Variants in ACTR3 observed in about 807,000 individuals in gnomAD.
ACTR3 encodes actin related protein 3.
Under a neutral mutation model 56.8 loss-of-function variants are expected in ACTR3, and 12 were observed. That is an observed-to-expected ratio of 0.21 (90% CI 0.14 to 0.34). The LOEUF (loss-of-function observed/expected upper bound fraction) is 0.34, where lower values mean the gene tolerates loss of function less well. Ranked by LOEUF, ACTR3 falls within the 10% of genes least tolerant of loss-of-function variation. ACTR3 has a pLI of 1.00. For synonymous variants in ACTR3, 162 were observed against 167.4 expected (o/e 0.97, Z 0.25); for missense variants, 282 against 512.5 (o/e 0.55, Z 4.34).
intron 10 of ACTR3, chr2:113,953,113 T>C (rs1171883406): frequency 6.6e-6 from 1 of 152,232 alleles, no homozygotes; most frequent in Non-Finnish European, 1.5e-5. Context: ...TAGTTTTTAA[T>C]AACTCATTAC....
At chr2:113,924,769 C>T (rs1679585478) in intron 3 of ACTR3, among the ~76,000 whole-genome samples, 1 of 152,034 alleles carries the variant, frequency 6.6e-6, no homozygotes, top group Non-Finnish European at 1.5e-5. Context: ...CCATACCTCT[C>T]ATTCCCCTGC....
chr2:113,890,703 C>T, intron 1 of ACTR3: 1 of 1,113,876 alleles, frequency 9.0e-7, no homozygotes, highest in Non-Finnish European at 1.1e-6. Flanking sequence ...CCCGTTTTTG[C>T]CAGTCGGTTT....
intron 7 of ACTR3, among the ~76,000 whole-genome samples, chr2:113,941,570 T>C (rs1235344823): frequency 6.6e-6 from 1 of 152,130 alleles, no homozygotes; most frequent in Non-Finnish European, 1.5e-5. Flanking sequence ...ATAAAACAAA[T>C]ATTGGTTGGC....
At chr2:113,928,666 A>G (rs1679662233) in intron 4 of ACTR3, among the ~76,000 whole-genome samples, 1 of 151,234 alleles carries the variant, frequency 6.6e-6, no homozygotes, top group Non-Finnish European at 1.5e-5. Context: ...AGCCATAGAC[A>G]ATACTTAAAT....
At chr2:113,942,486 T>C in intron 8 of ACTR3, 127 bp downstream of exon 8, 3 of 633,532 alleles carry the variant, frequency 4.7e-6, no homozygotes, top group Non-Finnish European at 7.0e-6. Flanking sequence ...ATGAAAAGTT[T>C]ATAAAACATT....
intron 3 of ACTR3, 99 bp downstream of exon 3, chr2:113,917,107 C>T (rs1679420431): frequency 3.1e-6 from 3 of 961,532 alleles, no homozygotes; most frequent in African/African-American, 1.7e-5. Context: ...TTATTAATAT[C>T]CTCAAACCTC....
intron 1 of ACTR3, among the ~76,000 whole-genome samples, chr2:113,912,306 AC>A (rs907467319): frequency 6.6e-6 from 1 of 152,128 alleles, no homozygotes; most frequent in African/African-American, 2.4e-5. Flanking sequence ...ATAAAATGTT[AC>A]ATTCTCTTTA....
intron 10 of ACTR3, chr2:113,954,042 C>T (rs1026832911): frequency 6.6e-6 from 1 of 152,124 alleles, no homozygotes; most frequent in African/African-American, 2.4e-5. Context: ...GCATATCCTT[C>T]AGCTTGGGTT....
At chr2:113,891,616 T>G (rs1678899468) in intron 1 of ACTR3, among the ~76,000 whole-genome samples, 1 of 145,030 alleles carries the variant, frequency 6.9e-6, no homozygotes, top group Admixed American at 6.8e-5. Context: ...ACTGTCAGGC[T>G]TTTTTTTTTA....
chr2:113,909,529 C>T (rs1334791916), intron 1 of ACTR3, among the ~76,000 whole-genome samples: 1 of 151,456 alleles, frequency 6.6e-6, no homozygotes, highest in East Asian at 1.9e-4. Flanking sequence ...GAAGATTAGT[C>T]AAAAGAAAGG....
At chr2:113,919,911 G>A (rs1337791265) in intron 3 of ACTR3, among the ~76,000 whole-genome samples, 2 of 151,854 alleles carry the variant, frequency 1.3e-5, no homozygotes, top group African/African-American at 2.4e-5. Context: ...ACCATGCTTC[G>A]CTAATTTATT....
intron 8 of ACTR3, among the ~76,000 whole-genome samples, chr2:113,949,783 A>G (rs2104627292): frequency 6.6e-6 from 1 of 152,276 alleles, no homozygotes; most frequent in African/African-American, 2.4e-5. Flanking sequence ...GGCTGGTGTC[A>G]AACTCTGGGT....
At chr2:113,937,181 T>G (rs1212470853) in intron 6 of ACTR3, among the ~76,000 whole-genome samples, 1 of 152,146 alleles carries the variant, frequency 6.6e-6, no homozygotes, top group Non-Finnish European at 1.5e-5. Context: ...TCAGCTCGCT[T>G]CAACCTCTGC....
At chr2:113,931,252 A>C in intron 4 of ACTR3, 49 bp from the exon 5 acceptor site, 1 of 1,158,682 alleles carries the variant, frequency 8.6e-7, no homozygotes. Flanking sequence ...CAAGAAAGTT[A>C]TCAAAATAAT....
chr2:113,926,309 A>G (rs1242114178), intron 3 of ACTR3, among the ~76,000 whole-genome samples: 1 of 152,224 alleles, frequency 6.6e-6, no homozygotes, highest in Non-Finnish European at 1.5e-5. Flanking sequence ...AATTACTGTG[A>G]CTTGTAGATC....
intron 3 of ACTR3, among the ~76,000 whole-genome samples, chr2:113,923,095 T>C (rs1679540095): frequency 6.6e-6 from 1 of 152,228 alleles, no homozygotes; most frequent in African/African-American, 2.4e-5. Context: ...TTCTAAGTGC[T>C]ACTAACAAAC....
At chr2:113,920,518 C>T (rs1679487952) in intron 3 of ACTR3, among the ~76,000 whole-genome samples, 1 of 152,114 alleles carries the variant, frequency 6.6e-6, no homozygotes, top group Non-Finnish European at 1.5e-5. Context: ...ATTCTCTGTT[C>T]TAACTATCTG....
At chr2:113,910,277 A>G (rs1294817117) in intron 1 of ACTR3, among the ~76,000 whole-genome samples, 2 of 152,164 alleles carry the variant, frequency 1.3e-5, no homozygotes, top group Non-Finnish European at 2.9e-5. Context: ...GCTTTCAGAT[A>G]GCTGAACACG....
intron 5 of ACTR3, among the ~76,000 whole-genome samples, chr2:113,932,359 G>A (rs995844341): frequency 6.6e-6 from 1 of 152,036 alleles, no homozygotes; most frequent in Non-Finnish European, 1.5e-5. Context: ...ATGAGGAGTT[G>A]GGAAAATTCA....
Sources: allele counts gnomAD v4.1 joint callset (sites outside exome capture counted in the v4.1 genomes callset), GRCh38; gene constraint gnomAD v4.1.1; transcripts MANE v1.5; gene names NCBI Gene and HGNC (gene_info 2026-07-23, HGNC 2026-07-21).